FOXP2: variants seen among roughly 807,000 people sequenced by gnomAD.
FOXP2 encodes forkhead box protein P2.
A neutral mutation model predicts 115.8 loss-of-function variants in FOXP2; 12 were observed. The ratio of observed to expected loss-of-function variants is 0.10; its 90% CI spans 0.07 to 0.17. FOXP2 has a LOEUF of 0.17. Ranked by LOEUF, FOXP2 falls within the 10% of genes least tolerant of loss-of-function variation. The pLI is 1.00. For synonymous variants in FOXP2, 328 were observed against 297.7 expected, an observed-to-expected ratio of 1.10 and a Z score of -1.05; for missense variants, 629 against 843.5, an observed-to-expected ratio of 0.75 and a Z score of 3.15.
At position 114,216,947 on chromosome 7, in the gene FOXP2, T is replaced by C. The variant is rs181540296; in HGVS notation, c.-102+53859T>C. The stretch of plus-strand genomic sequence containing the variant: ...ATATAATAACAATATTCTGATTTGA[T>C]AATTTTAAAAATAATCCCCTTATTG... On this transcript the variant is annotated intron_variant, in intron 1 of 17. Coordinates refer to the FOXP2 transcript ENST00000634411. Among the ~76,000 whole-genome samples the C allele has an allele frequency of 8.1e-4, 124 of 152,320 alleles. 1 individual carries two copies. Among genetic ancestry groups the C allele is most frequent in the Non-Finnish European group, 1.5e-3 (104 of 68,016 alleles).
rs529020788 is a variant in FOXP2 at position 114,168,267 on chromosome 7, A to T, written c.-102+5179A>T. ...AACAGTTTGGAGGGCTCAGAAGAAG[A>T]CAGGAAAATGTGGGAAAGTTCTGAA... On this transcript the variant is annotated intron_variant, in intron 1 of 17. Transcript: ENST00000634411. Among the ~76,000 whole-genome samples, 15 of 152,320 alleles carry T rather than the reference A, an allele frequency of 9.8e-5. No homozygotes were observed. The South Asian group carries it at 3.1e-3, about 32-fold the overall frequency.
At chr7:114,303,372 A>G (rs547268576) in intron 2 of FOXP2, among the ~76,000 whole-genome samples, 16 of 152,256 alleles carry the variant, frequency 1.1e-4, no homozygotes, top group African/African-American at 3.6e-4. Flanking sequence ...AATAGGAGAT[A>G]TTTATTAAAG....
intron 2 of FOXP2, among the ~76,000 whole-genome samples, chr7:114,490,850 G>C (rs1287785471): frequency 6.6e-6 from 1 of 152,068 alleles, no homozygotes; most frequent in Non-Finnish European, 1.5e-5. Context: ...ATTTTTTATG[G>C]CTGCATAGTA....
chr7:114,345,646 T>C (rs1229475605), intron 2 of FOXP2, among the ~76,000 whole-genome samples: 2 of 151,772 alleles, frequency 1.3e-5, no homozygotes, highest in Non-Finnish European at 2.9e-5. Context: ...ATTTCATTAA[T>C]GGCCGATTCT....
At chr7:114,559,887 T>TAG (rs375821980) in intron 3 of FOXP2, among the ~76,000 whole-genome samples, 2 of 144,284 alleles carry the variant, frequency 1.4e-5, no homozygotes, top group African/African-American at 5.3e-5. Flanking sequence ...AGATTCCATC[T>TAG]TAAAAAAAAA....
At chr7:114,572,998 C>A (rs1801395040) in intron 3 of FOXP2, among the ~76,000 whole-genome samples, 1 of 151,798 alleles carries the variant, frequency 6.6e-6, no homozygotes, top group Admixed American at 6.6e-5. Context: ...GTCTGAGGTT[C>A]TTCCATGTGT....
chr7:114,182,704 A>G (rs541417083), intron 1 of FOXP2, among the ~76,000 whole-genome samples: 9 of 152,050 alleles, frequency 5.9e-5, no homozygotes, highest in African/African-American at 1.7e-4. Context: ...GAATACGTCT[A>G]TAGAAATAGA....
chr7:114,089,279 A>G (rs1183810789), intron 1 of FOXP2, among the ~76,000 whole-genome samples: 1 of 152,130 alleles, frequency 6.6e-6, no homozygotes, highest in Non-Finnish European at 1.5e-5. Flanking sequence ...TCAATTTAAA[A>G]AGATCATCTA....
chr7:114,442,975 G>T (rs1308569465), intron 2 of FOXP2, among the ~76,000 whole-genome samples: 2 of 152,112 alleles, frequency 1.3e-5, no homozygotes, highest in Non-Finnish European at 2.9e-5. Flanking sequence ...CAAGTGTAAA[G>T]GATTATTCCA....
intron 2 of FOXP2, among the ~76,000 whole-genome samples, chr7:114,438,145 G>GA (rs1378488223): frequency 1.3e-5 from 2 of 151,946 alleles, no homozygotes; most frequent in African/African-American, 4.8e-5. Flanking sequence ...ATTTCTGCTG[G>GA]AAATGATTAG....
chr7:114,529,276 C>G (rs1799024372), intron 2 of FOXP2, among the ~76,000 whole-genome samples: 1 of 151,796 alleles, frequency 6.6e-6, no homozygotes, highest in Non-Finnish European at 1.5e-5. Context: ...CTGAGGTCAT[C>G]TGGGGGTTTG....
chr7:114,302,202 C>G (rs926844382), intron 2 of FOXP2, among the ~76,000 whole-genome samples: 1 of 152,070 alleles, frequency 6.6e-6, no homozygotes, highest in African/African-American at 2.4e-5. Context: ...TTAGGAATCT[C>G]CAGGTTATAA....
chr7:114,281,085 T>A (rs1053633391), intron 1 of FOXP2, among the ~76,000 whole-genome samples: 1 of 148,388 alleles, frequency 6.7e-6, no homozygotes, highest in Non-Finnish European at 1.5e-5. Flanking sequence ...AGGCTTTTTA[T>A]GCAATTTGAA....
At chr7:114,395,215 A>G (rs1345743249) in intron 2 of FOXP2, among the ~76,000 whole-genome samples, 1 of 152,224 alleles carries the variant, frequency 6.6e-6, no homozygotes, top group Non-Finnish European at 1.5e-5. Context: ...TTGAGTGTTT[A>G]TAATTTATTA....
intron 3 of FOXP2, among the ~76,000 whole-genome samples, chr7:114,582,767 T>A (rs1450923212): frequency 6.6e-6 from 1 of 152,148 alleles, no homozygotes; most frequent in Non-Finnish European, 1.5e-5. Context: ...TGAAAACAGA[T>A]CATGTAACAG....
chr7:114,676,260 A>G (rs933994721), intron 16 of FOXP2, among the ~76,000 whole-genome samples: 2 of 152,026 alleles, frequency 1.3e-5, no homozygotes, highest in Non-Finnish European at 2.9e-5. Context: ...TAGTTAATGT[A>G]TTCCACGTAA....
chr7:114,541,384 T>C (rs1799653532), intron 3 of FOXP2, among the ~76,000 whole-genome samples: 1 of 152,054 alleles, frequency 6.6e-6, no homozygotes, highest in South Asian at 2.1e-4. Context: ...AGCAATCAAA[T>C]TAGCATTGGA....
chr7:114,355,499 G>A (rs1791598469), intron 2 of FOXP2, among the ~76,000 whole-genome samples: 1 of 152,232 alleles, frequency 6.6e-6, no homozygotes, highest in African/African-American at 2.4e-5. Context: ...AAGTGTAATA[G>A]TTTCTCTGAA....
chr7:114,599,208 T>A (rs1802888007), intron 3 of FOXP2, among the ~76,000 whole-genome samples: 2 of 152,056 alleles, frequency 1.3e-5, no homozygotes, highest in Admixed American at 1.3e-4. Context: ...TTGCTATAGG[T>A]TTTTGTAGCT....
Sources: gnomAD v4.1 joint callset for allele counts (sites outside exome capture counted in the v4.1 genomes callset) on GRCh38, gnomAD v4.1.1 for gene constraint, MANE v1.5 for transcripts, NCBI Gene and HGNC (gene_info 2026-07-23, HGNC 2026-07-21) for gene names.